AAK1: variants seen among roughly 807,000 people sequenced by gnomAD.
The protein encoded by AAK1 is AP2-associated protein kinase 1.
AAK1 carries 37 observed loss-of-function variants against 116.0 expected under a neutral mutation model. That is an observed-to-expected ratio of 0.32 (90% confidence interval 0.25 to 0.42). The LOEUF (loss-of-function observed/expected upper bound fraction) is 0.42, where lower values mean the gene tolerates loss of function less well. AAK1 is among the 10% of genes least tolerant of loss of function. The probability of loss-of-function intolerance (pLI) is 1.00; values close to 1 mark genes in which losing one functional copy is unlikely to be tolerated. For synonymous variants in AAK1, 458 were observed against 439.9 expected (o/e 1.04, Z -0.51); for missense variants, 919 against 1,170.6 (o/e 0.79, Z 3.14).
chr2:69,628,647 C>A (rs930117352), intron 2 of AAK1, among the ~76,000 whole-genome samples: 1 of 152,214 alleles, frequency 6.6e-6, no homozygotes, highest in Non-Finnish European at 1.5e-5. Context: ...GGTGAGTAGA[C>A]AGCCACTTAA....
chr2:69,500,698 T>TATATACACACAC, intron 16 of AAK1, among the ~76,000 whole-genome samples: 22 of 65,098 alleles, frequency 3.4e-4, no homozygotes, highest in African/African-American at 1.2e-3. Flanking sequence ...TATATATATA[T>TATATACACACAC]ACACACACAC....
chr2:69,636,758 G>A (rs1675464220), intron 2 of AAK1, among the ~76,000 whole-genome samples: 1 of 150,476 alleles, frequency 6.6e-6, no homozygotes, highest in African/African-American at 2.5e-5. Flanking sequence ...GGAGTACAGT[G>A]GCAGGATCTT....
chr2:69,594,825 A>G (rs2105178891), intron 2 of AAK1: 3 of 1,522,964 alleles, frequency 2.0e-6, no homozygotes, highest in Non-Finnish European at 2.7e-6. Context: ...GCATTCTCTT[A>G]GACCTGCAGT....
chr2:69,544,611 G>A (rs1234547447), intron 3 of AAK1, 67 bp from the exon 4 acceptor site: 18 of 1,123,936 alleles, frequency 1.6e-5, no homozygotes, highest in Non-Finnish European at 2.4e-5. Context: ...TAGCCAGTCA[G>A]TTCCATTAGC....
chr2:69,501,100 A>T lies in AAK1; in HGVS notation c.2269+4469T>A, dbSNP rs141030692. ...CTATATCCTACCCAGGTCCATGGCT[A>T]ATCATCATTTTGATGTTCTATTTCA... On this transcript the variant is annotated intron_variant, in intron 16 of 21. Coordinates refer to ENST00000409085, the MANE Select transcript of AAK1 (RefSeq NM_014911.5). 4.5e-3 allele frequency among the ~76,000 whole-genome samples: 692 copies of T among 152,280 alleles called. 3 individuals carry two copies. The highest frequency in any genetic ancestry group is 0.016 in the African/African-American group (659 of 41,568).
chr2:69,501,036 A>T (rs1414996259), intron 16 of AAK1, among the ~76,000 whole-genome samples: 3 of 151,548 alleles, frequency 2.0e-5, no homozygotes, highest in African/African-American at 7.3e-5. Flanking sequence ...AGCAAAGAAG[A>T]CTCTCAGGGC....
chr2:69,549,795 A>G lies in AAK1; in HGVS notation c.283-5251T>C, dbSNP rs111333008. ...TAAAGTTGATTAGAATAAAATTTCA[A>G]GTGTATGATCTTACCTTATTATTTC... On this transcript the variant is annotated intron_variant, in intron 3 of 21. Transcript: ENST00000409085. 8.2e-3 allele frequency among the ~76,000 whole-genome samples: 1,246 copies of G among 152,332 alleles called. 15 individuals carry two copies. The highest frequency in any genetic ancestry group is 0.029 in the African/African-American group (1,195 of 41,580).
chr2:69,465,948 A>G lies in AAK1; in HGVS notation c.*9921T>C, dbSNP rs1000248284. On this transcript the variant is annotated 3_prime_UTR_variant, in exon 22 of 22. Transcript: ENST00000409085. ...AGGCAGCTCCTGGGAGGTGCATTGG[A>G]TAACTGTTAACTCCTCCATGCTTTT... The G allele has an allele frequency of 4.9e-5, 63 of 1,290,686 alleles. No individual in the cohort carries two copies. The Admixed American group carries it at 1.2e-3, about 24-fold the overall frequency. 80.0% of individuals were successfully genotyped at this position (1,290,686 alleles called of 1,614,324 possible).
chr2:69,487,357 A>G (rs1675335422), intron 17 of AAK1, among the ~76,000 whole-genome samples: 1 of 152,216 alleles, frequency 6.6e-6, no homozygotes, highest in African/African-American at 2.4e-5. Flanking sequence ...TTTAATAGAA[A>G]CACACCGAAG....
chr2:69,565,849 T>A (rs1671842684), intron 2 of AAK1, among the ~76,000 whole-genome samples: 1 of 151,820 alleles, frequency 6.6e-6, no homozygotes, highest in Non-Finnish European at 1.5e-5. Context: ...TGGCAGAGTG[T>A]CCTCTCCACA....
intron 2 of AAK1, among the ~76,000 whole-genome samples, chr2:69,622,410 G>A (rs1218809081): frequency 6.6e-6 from 1 of 151,784 alleles, no homozygotes; most frequent in African/African-American, 2.4e-5. Context: ...AACTGCCCAA[G>A]GGCTGAGGAG....
At chr2:69,613,618 T>C (rs939007566) in intron 2 of AAK1, among the ~76,000 whole-genome samples, 3 of 152,160 alleles carry the variant, frequency 2.0e-5, no homozygotes, top group Non-Finnish European at 2.9e-5. Flanking sequence ...ATCATACCTA[T>C]GTAATAAAGC....
Position 69,487,930 on chromosome 2 carries a change from T to C in AAK1, c.2366-5118A>G, listed in dbSNP as rs145912274. 5.4e-3 allele frequency among the ~76,000 whole-genome samples: 814 copies of C among 151,920 alleles called. 10 individuals are homozygous for C. The highest frequency in any genetic ancestry group is 0.018 in the African/African-American group (739 of 41,472). On this transcript the variant is annotated intron_variant, in intron 17 of 21. Transcript: ENST00000409085. ...TCAGCCTCCCGAGTATCTGGCATTA[T>C]AGGCGCCTGCCACCACGCCCAGCTA...
chr2:69,568,375 G>A (rs1671961533), intron 2 of AAK1, among the ~76,000 whole-genome samples: 2 of 151,522 alleles, frequency 1.3e-5, no homozygotes. Flanking sequence ...GAGTTTAGTA[G>A]CCAGGTTATG....
In AAK1 at chr2:69,519,120, T is replaced by G; in HGVS notation, c.1331A>C (p.Gln444Pro). The G allele has an allele frequency of 6.4e-7, 1 of 1,559,060 alleles. No individual in the cohort carries two copies. The highest frequency in any genetic ancestry group is 1.9e-5 in the Admixed American group (1 of 51,608). ...ACCCTGGGCCTGAGTAGAAGGCGTC[T>G]GCTGTGGAGTGGGAGGAGCCTGTGG... Reference protein sequence around the residue: ...KQPQAPPTPQQTPSTQAQGLP... With the variant: ...KQPQAPPTPQPTPSTQAQGLP... Residue 444 changes from glutamine to proline, a missense_variant, in exon 12 of 22, where the codon CAG (glutamine) becomes CCG (proline). By Grantham distance (76) the Gln-to-Pro change is moderately conservative (BLOSUM62 -1). Transcript: ENST00000409085.
intron 2 of AAK1, chr2:69,597,400 C>A: frequency 6.4e-6 from 1 of 157,134 alleles, no homozygotes; most frequent in Middle Eastern, 1.0e-3. Flanking sequence ...ACTAGGATCC[C>A]TCACATGGGG....
chr2:69,624,330 T>C (rs1317256942), intron 2 of AAK1, among the ~76,000 whole-genome samples: 1 of 152,122 alleles, frequency 6.6e-6, no homozygotes, highest in Non-Finnish European at 1.5e-5. Flanking sequence ...TGTCTAAAAA[T>C]AGGAAATTGG....
At position 69,462,418 on chromosome 2, in the gene AAK1, C is replaced by CG. The variant is rs923610890; in HGVS notation, c.*13450dup. On this transcript the variant is annotated 3_prime_UTR_variant, in exon 22 of 22. Transcript: ENST00000409085. ...TTTCTGGGCCAGGTGCGGTGGCTCA[C>CG]GCCTGTAATCCTAGCACTTTGGGAA... 3 of 151,132 alleles carry CG rather than the reference C, an allele frequency of 2.0e-5. No homozygotes were observed. Among genetic ancestry groups the CG allele is most frequent in the African/African-American group, 7.3e-5 (3 of 41,078 alleles). The allele number at this position is 151,132 out of a possible 1,614,324, so 9.4% of individuals were successfully genotyped here.
chr2:69,603,185 A>G (rs1253014349), intron 2 of AAK1, among the ~76,000 whole-genome samples: 2 of 152,174 alleles, frequency 1.3e-5, no homozygotes, highest in Non-Finnish European at 2.9e-5. Context: ...TTAAATGTTT[A>G]TTTTTCCAGT....
Sources: gnomAD v4.1 joint callset for allele counts (sites outside exome capture counted in the v4.1 genomes callset) on GRCh38, gnomAD v4.1.1 for gene constraint, MANE v1.5 for transcripts, NCBI Gene and HGNC (gene_info 2026-07-23, HGNC 2026-07-21) for gene names.